Variants in RADIL observed in about 807,000 individuals in gnomAD.
The protein encoded by RADIL is ras-associating and dilute domain-containing protein.
Under a neutral mutation model 97.6 loss-of-function variants are expected in RADIL, and 99 were observed. The observed-to-expected ratio is 1.01, with a 90% CI of 0.86 to 1.20. The LOEUF is 1.20. RADIL is among the 50% of genes most tolerant of loss of function. The probability of loss-of-function intolerance (pLI) is 0.00; values close to 1 mark genes in which losing one functional copy is unlikely to be tolerated. For missense variants in RADIL, 1,765 were observed against 1,498.9 expected, an observed-to-expected ratio of 1.18 and a Z score of -2.93; for synonymous variants, 803 against 691.8, an observed-to-expected ratio of 1.16 and a Z score of -2.52.
chr7:4,811,850 A>G (rs1418130787), intron 9 of RADIL, among the ~76,000 whole-genome samples: 1 of 151,748 alleles, frequency 6.6e-6, no homozygotes, highest in Non-Finnish European at 1.5e-5. Flanking sequence ...AATCTTCTTC[A>G]GGGGAAAATG....
chr7:4,878,346 C>G lies in RADIL; in HGVS notation c.-64-143G>C, dbSNP rs957856357. The G allele has an allele frequency of 4.9e-6, 3 of 612,238 alleles. No individual in the cohort carries two copies. In the African/African-American group the frequency reaches 5.6e-5, roughly 11 times the overall value. 37.9% of individuals were successfully genotyped at this position (612,238 alleles called of 1,614,324 possible). ...ACGGCTTGAGCCCGGGAGTTCCAGA[C>G]CAGCCTGGGAAACATAGTAAGGCCC... On this transcript the variant is annotated intron_variant, in intron 1 of 14. Transcript: ENST00000399583. The surrounding 1 kb of genome is among the most constrained non-coding windows in gnomAD (Gnocchi z 4.1).
rs912562384 is a variant in RADIL at position 4,834,139 on chromosome 7, C to T, written c.1416+468G>A. The stretch of plus-strand genomic sequence containing the variant: ...ACCTCCAAACTCGGATCAGGGATGG[C>T]TCCAGCGGGTATGTGCTCAACCGGC... On this transcript the variant is annotated intron_variant, in intron 4 of 14. Coordinates refer to ENST00000399583, the MANE Select transcript of RADIL (RefSeq NM_018059.5). The surrounding 1 kb of genome is among the most constrained non-coding windows in gnomAD (Gnocchi z 6.0). Among the ~76,000 whole-genome samples, 9 of 152,174 alleles carry T rather than the reference C, an allele frequency of 5.9e-5. No individual in the cohort carries two copies. The highest frequency in any genetic ancestry group is 5.9e-4 in the Admixed American group (9 of 15,276).
chr7:4,814,684 C>T lies in RADIL; in HGVS notation c.2139+594G>A, dbSNP rs918004452. 6.6e-6 allele frequency among the ~76,000 whole-genome samples: 1 copy of T among 152,166 alleles called. No individual in the cohort carries two copies. The highest frequency in any genetic ancestry group is 1.5e-5 in the Non-Finnish European group (1 of 68,032). ...CACACAGTGCACTCTCACAGCTCCG[C>T]GGCTCCACAGCTCAGCCGGGTCTCA... On this transcript the variant is annotated intron_variant, in intron 9 of 14. Coordinates refer to ENST00000399583, the MANE Select transcript of RADIL (RefSeq NM_018059.5). This position sits in a 1 kb window ranked among gnomAD's most constrained non-coding sequence, Gnocchi z 4.5.
Position 4,801,741 on chromosome 7 carries a change from G to A in RADIL, c.2754C>T (p.Asp918=), listed in dbSNP as rs749259166. 2 of 1,610,762 alleles carry A rather than the reference G, an allele frequency of 1.2e-6. No homozygotes were observed. The change falls in exon 12 of 15, where the codon GAC becomes GAT. Residue 918 remains aspartate, a synonymous_variant. Transcript: ENST00000399583. ...TPLGPEPGDP[D]WPESGGPCGK... ...CACAGGGGCCGCCGGACTCTGGCCAGTCGGGGTCCCCAGGCTCAGGGCCAA... is the reference window on the plus strand; with the variant it reads ...CACAGGGGCCGCCGGACTCTGGCCAATCGGGGTCCCCAGGCTCAGGGCCAA...
chr7:4,860,295 T>C, intron 2 of RADIL: 1 of 1,613,930 alleles, frequency 6.2e-7, no homozygotes, highest in Middle Eastern at 1.6e-4. Flanking sequence ...TGTGCTTTCT[T>C]GTCCTGAAGC....
At chr7:4,876,489 C>T (rs907209688) in intron 2 of RADIL, among the ~76,000 whole-genome samples, 2 of 151,934 alleles carry the variant, frequency 1.3e-5, no homozygotes, top group Non-Finnish European at 2.9e-5. Flanking sequence ...TTAGTAGATA[C>T]GGGGTTTCAC....
intron 2 of RADIL, among the ~76,000 whole-genome samples, chr7:4,864,294 T>C (rs1317343192): frequency 6.6e-6 from 1 of 151,340 alleles, no homozygotes; most frequent in African/African-American, 2.5e-5. Context: ...CTCAGTCAAA[T>C]TTGCTGATTC....
Position 4,854,567 on chromosome 7 carries a change from G to A in RADIL, c.536-17962C>T, listed in dbSNP as rs527802236. Among the ~76,000 whole-genome samples the A allele has an allele frequency of 5.8e-4, 89 of 152,234 alleles. No homozygotes were observed. The highest frequency in any genetic ancestry group is 1.2e-3 in the Non-Finnish European group (80 of 68,024). On this transcript the variant is annotated intron_variant, in intron 2 of 14. Coordinates refer to ENST00000399583, the MANE Select transcript of RADIL (RefSeq NM_018059.5). The surrounding 1 kb of genome is among the most constrained non-coding windows in gnomAD (Gnocchi z 5.1). ...AAATTAGCTGGGTATGTTGGCGGGC[G>A]CCTGTAATCCCAGCTACTCGGAAGA...
At chr7:4,868,024 T>G (rs1490050411) in intron 2 of RADIL, among the ~76,000 whole-genome samples, 1 of 152,206 alleles carries the variant, frequency 6.6e-6, no homozygotes, top group Non-Finnish European at 1.5e-5. Context: ...TTCATAACTT[T>G]GACTTTAACA....
At chr7:4,800,036 C>T (rs746872570) in intron 13 of RADIL, 135 bp downstream of exon 13, 2 of 1,332,952 alleles carry the variant, frequency 1.5e-6, no homozygotes, top group Non-Finnish European at 2.0e-6. Flanking sequence ...CTCCCAGCTG[C>T]AGAGGCCAAC....
chr7:4,835,874 G>C lies in RADIL; in HGVS notation c.783+484C>G, dbSNP rs1436374159. 6.6e-6 allele frequency among the ~76,000 whole-genome samples: 1 copy of C among 152,254 alleles called. No homozygotes were observed. Among genetic ancestry groups the C allele is most frequent in the African/African-American group, 2.4e-5 (1 of 41,470 alleles). ...TGGCATTTGCTCGGGGCGACAGCCT[G>C]CCTGCTCTGATGGAAGTGGTGAGAA... On this transcript the variant is annotated intron_variant, in intron 3 of 14. Coordinates refer to ENST00000399583, the MANE Select transcript of RADIL (RefSeq NM_018059.5). The surrounding 1 kb of genome is among the most constrained non-coding windows in gnomAD (Gnocchi z 5.8).
At chr7:4,856,805 C>T (rs1009030152) in intron 2 of RADIL, among the ~76,000 whole-genome samples, 9 of 152,220 alleles carry the variant, frequency 5.9e-5, no homozygotes, top group Admixed American at 4.6e-4. Context: ...CTATAATAAA[C>T]ATTCACCAGA....
At chr7:4,877,152 A>G (rs1209136748) in intron 2 of RADIL, among the ~76,000 whole-genome samples, 2 of 152,208 alleles carry the variant, frequency 1.3e-5, no homozygotes, top group African/African-American at 2.4e-5. Flanking sequence ...ACAAACTACA[A>G]CTTCCCAGAC....
At position 4,816,334 on chromosome 7, in the gene RADIL, C is replaced by T. The variant is rs1782677330; in HGVS notation, c.1860G>A (p.Leu620=). ...RRVVSVYQAA[L]DLLRQLQVHP... is the part of the protein sequence containing the mutation. ...GCACCTGCAGCTGCCGCAGGAGGTC[C>T]AGGGCTGCCTGGTACACAGACACCA... The change falls in exon 8 of 15, where the codon CTG becomes CTA. Residue 620 remains leucine (L), a synonymous_variant. Coordinates refer to ENST00000399583, the MANE Select transcript of RADIL (RefSeq NM_018059.5). The T allele has an allele frequency of 2.5e-6, 4 of 1,612,426 alleles. No individual in the cohort carries two copies. The East Asian group carries it at 6.7e-5, about 27-fold the overall frequency.
Position 4,878,282 on chromosome 7 carries a change from G to T in RADIL, c.-64-79C>A. The T allele has an allele frequency of 1.1e-6, 1 of 936,854 alleles. No homozygotes were observed. The highest frequency in any genetic ancestry group is 1.5e-6 in the Non-Finnish European group (1 of 651,110). 58.0% of individuals were successfully genotyped at this position (936,854 alleles called of 1,614,324 possible). A position where few individuals can be genotyped will look rare whatever the true frequency, so the allele number is the denominator to read the frequency against. ...AATGAGGCCACAGGCGGTGACTCCT[G>T]CCCGTCATCCCAGCGCTTTAGAAGG... On this transcript the variant is annotated intron_variant, in intron 1 of 14. Coordinates refer to ENST00000399583, the MANE Select transcript of RADIL (RefSeq NM_018059.5). The surrounding 1 kb of genome is among the most constrained non-coding windows in gnomAD (Gnocchi z 4.1).
chr7:4,797,742 G>T lies in RADIL; in HGVS notation c.*1636C>A, dbSNP rs534460662. ...CACGCCTGTAATCCCAGCACTTTGG[G>T]AGGGCAAGGCGGGCAGATCACTTGA... On this transcript the variant is annotated 3_prime_UTR_variant, in exon 15 of 15. Transcript: ENST00000399583. 6.6e-6 allele frequency: 1 copy of T among 152,348 alleles called. No homozygotes were observed. Among genetic ancestry groups the T allele is most frequent in the East Asian group, 1.9e-4 (1 of 5,194 alleles). The allele number at this position is 152,348 out of a possible 1,614,324, so 9.4% of individuals were successfully genotyped here.
chr7:4,799,902 G>A (rs567935201), intron 13 of RADIL, 133 bp from the exon 14 acceptor site: 54 of 1,324,020 alleles, frequency 4.1e-5, no homozygotes, highest in Middle Eastern at 2.7e-4. Context: ...GGTTTCACGC[G>A]TCCCTCCAGA....
At position 4,815,636 on chromosome 7, in the gene RADIL, G is replaced by A. The variant is rs2840133; in HGVS notation, c.1967-186C>T. On this transcript the variant is annotated intron_variant, in intron 8 of 14. Coordinates refer to ENST00000399583, the MANE Select transcript of RADIL (RefSeq NM_018059.5). This position sits in a 1 kb window ranked among gnomAD's most constrained non-coding sequence, Gnocchi z 8.0. ...CCAGCCTTGAACCCCTCTCTGGAGC[G>A]GGGGTACGGTGGGAGGTGAACGTAG... Among the ~76,000 whole-genome samples the A allele has an allele frequency of 0.02, 3,104 of 152,270 alleles. 52 individuals carry two copies. The highest frequency in any genetic ancestry group is 0.035 in the Non-Finnish European group (2,368 of 68,006).
Position 4,877,595 on chromosome 7 carries a change from C to A in RADIL, c.535+10G>T. The A allele has an allele frequency of 1.3e-6, 2 of 1,577,136 alleles. No individual in the cohort carries two copies. Among genetic ancestry groups the A allele is most frequent in the Non-Finnish European group, 8.6e-7 (1 of 1,164,356 alleles). On this transcript the variant is annotated intron_variant, in intron 2 of 14. Coordinates refer to ENST00000399583, the MANE Select transcript of RADIL (RefSeq NM_018059.5). Reference sequence around the variant, plus strand: ...CCCACGGCTCTTCCTGAACCTGTGGCCCCCCTCACCTGCCGTGATGGTGTC... The same window carrying A: ...CCCACGGCTCTTCCTGAACCTGTGGACCCCCTCACCTGCCGTGATGGTGTC...
Sources: allele counts gnomAD v4.1 joint callset (sites outside exome capture counted in the v4.1 genomes callset), GRCh38; gene constraint gnomAD v4.1.1; non-coding constraint Gnocchi (gnomAD v3.1); transcripts MANE v1.5; gene names NCBI Gene and HGNC (gene_info 2026-07-23, HGNC 2026-07-21).